SAMMSON: variants seen among roughly 807,000 people sequenced by gnomAD.
SAMMSON encodes the protein survival associated mitochondrial melanoma specific oncogenic non-coding RNA, also known as long intergenic non-protein coding RNA 1212.
At chr3:70,271,162 C>T (rs1316127965) in intron 6 of SAMMSON, among the ~76,000 whole-genome samples, 1 of 151,920 alleles carries the variant, frequency 6.6e-6, no homozygotes, top group Non-Finnish European at 1.5e-5. Flanking sequence ...TAAAAGTATG[C>T]CAAAAACAGT....
intron 4 of SAMMSON, among the ~76,000 whole-genome samples, chr3:70,137,386 C>T (rs188143078): frequency 5.3e-5 from 8 of 152,124 alleles, no homozygotes; most frequent in South Asian, 2.1e-4. Context: ...CTAAGAATGG[C>T]GTTTACATTT....
intron 4 of SAMMSON, among the ~76,000 whole-genome samples, chr3:70,080,516 C>A (rs1576116815): frequency 2.0e-5 from 3 of 152,234 alleles, no homozygotes; most frequent in African/African-American, 7.2e-5. Flanking sequence ...CACTCCTGTG[C>A]CTTTGTATGT....
chr3:70,244,421 A>G (rs369135129), intron 4 of SAMMSON, among the ~76,000 whole-genome samples: 29 of 152,224 alleles, frequency 1.9e-4, no homozygotes, highest in African/African-American at 7.0e-4. Context: ...TGCTACTGAA[A>G]TATCAATTAA....
At chr3:70,268,498 C>CATTTAT in intron 6 of SAMMSON, among the ~76,000 whole-genome samples, 1 of 123,218 alleles carries the variant, frequency 8.1e-6, no homozygotes, top group Non-Finnish European at 1.7e-5. Flanking sequence ...AAAAAAAAAT[C>CATTTAT]CCCACCAGAA....
chr3:70,165,804 A>G (rs1261743888), intron 4 of SAMMSON, among the ~76,000 whole-genome samples: 2 of 151,948 alleles, frequency 1.3e-5, no homozygotes, highest in African/African-American at 4.8e-5. Context: ...GGTGTCATGG[A>G]TATGTCTCCA....
chr3:70,211,178 T>A (rs1461404535), intron 4 of SAMMSON, among the ~76,000 whole-genome samples: 3 of 151,948 alleles, frequency 2.0e-5, no homozygotes, highest in African/African-American at 7.3e-5. Flanking sequence ...TTCCTTTCCC[T>A]TCTTTTTTCT....
At chr3:70,082,066 T>G (rs964318155) in intron 4 of SAMMSON, among the ~76,000 whole-genome samples, 8 of 152,150 alleles carry the variant, frequency 5.3e-5, no homozygotes, top group African/African-American at 1.9e-4. Flanking sequence ...TGACTGTTAT[T>G]CCAACACAGG....
At chr3:70,023,805 A>G (rs1559775246) in intron 3 of SAMMSON, among the ~76,000 whole-genome samples, 1 of 152,260 alleles carries the variant, frequency 6.6e-6, no homozygotes, top group Non-Finnish European at 1.5e-5. Flanking sequence ...ATAAAACTTT[A>G]TTTACAAAAA....
chr3:70,243,201 T>A (rs936740280), intron 4 of SAMMSON, among the ~76,000 whole-genome samples: 1 of 152,266 alleles, frequency 6.6e-6, no homozygotes, highest in Non-Finnish European at 1.5e-5. Flanking sequence ...TTAAGGTCTG[T>A]TGAGGATTGG....
At chr3:70,362,857 G>A (rs1168832041) in intron 9 of SAMMSON, among the ~76,000 whole-genome samples, 1 of 146,710 alleles carries the variant, frequency 6.8e-6, no homozygotes, top group African/African-American at 2.5e-5. Flanking sequence ...TGTTATGTAT[G>A]GGTTTCAACA....
At chr3:70,143,529 C>G (rs182227276) in intron 4 of SAMMSON, among the ~76,000 whole-genome samples, 3 of 152,142 alleles carry the variant, frequency 2.0e-5, no homozygotes, top group African/African-American at 7.2e-5. Flanking sequence ...CTACCCTGTT[C>G]CTGGCTCCAG....
At chr3:70,041,688 A>G (rs768086081) in intron 3 of SAMMSON, among the ~76,000 whole-genome samples, 1 of 152,150 alleles carries the variant, frequency 6.6e-6, no homozygotes, top group African/African-American at 2.4e-5. Flanking sequence ...AAAATACACT[A>G]TAACAACAAT....
chr3:70,227,822 G>A (rs1701522830), intron 4 of SAMMSON, among the ~76,000 whole-genome samples: 1 of 152,088 alleles, frequency 6.6e-6, no homozygotes, highest in Non-Finnish European at 1.5e-5. Context: ...TACAAACTGT[G>A]AATTATAAAT....
At chr3:70,336,859 G>GTGTGTGTGT (rs1553656690) in intron 7 of SAMMSON, among the ~76,000 whole-genome samples, 6 of 119,132 alleles carry the variant, frequency 5.0e-5, no homozygotes, top group Non-Finnish European at 1.1e-4. Context: ...TGTGTGTGTG[G>GTGTGTGTGT]AGAGAGAGAG....
chr3:70,218,112 A>G (rs1211848969), intron 4 of SAMMSON, among the ~76,000 whole-genome samples: 2 of 152,168 alleles, frequency 1.3e-5, no homozygotes, highest in Non-Finnish European at 2.9e-5. Flanking sequence ...TGGGGATTTA[A>G]GATCTATTTT....
At chr3:70,232,109 C>T (rs1440974833) in intron 4 of SAMMSON, among the ~76,000 whole-genome samples, 1 of 152,170 alleles carries the variant, frequency 6.6e-6, no homozygotes, top group Middle Eastern at 3.2e-3. Context: ...GAGGCTGACA[C>T]GGTGACACTG....
At chr3:70,187,460 C>T (rs1281219411) in intron 4 of SAMMSON, among the ~76,000 whole-genome samples, 1 of 87,922 alleles carries the variant, frequency 1.1e-5, no homozygotes, top group Non-Finnish European at 2.0e-5. Context: ...TTTTTTGAGA[C>T]GGAGTTTCGC....
At chr3:70,194,803 A>G (rs1220103137) in intron 4 of SAMMSON, among the ~76,000 whole-genome samples, 1 of 152,196 alleles carries the variant, frequency 6.6e-6, no homozygotes, top group Non-Finnish European at 1.5e-5. Context: ...GCATGGCCTC[A>G]CCAATGATAC....
In SAMMSON at chr3:70,135,132, T is replaced by C. The variant is rs868356371; in HGVS notation, n.507+63567T>C. 9.2e-5 allele frequency among the ~76,000 whole-genome samples: 14 copies of C among 152,174 alleles called. 1 individual carries two copies. Among genetic ancestry groups the C allele is most frequent in the Non-Finnish European group, 1.5e-5 (1 of 68,008 alleles). On this transcript the variant is annotated intron_variant and non_coding_transcript_variant, in intron 4 of 9. Coordinates refer to ENST00000642114, the Ensembl canonical transcript of SAMMSON. ...GGTGGTGAGAGACAATTTAAACCTG[T>C]GCATTTATTTGTCAATAAAACCTAT...
Sources: allele counts gnomAD v4.1 joint callset (sites outside exome capture counted in the v4.1 genomes callset), GRCh38; gene constraint gnomAD v4.1.1; transcripts MANE v1.5; gene names NCBI Gene and HGNC (gene_info 2026-07-23, HGNC 2026-07-21).